The following PTPRF variants were observed in gnomAD, a reference collection of about 807,000 sequenced individuals.
The protein encoded by PTPRF is receptor-type tyrosine-protein phosphatase F.
A neutral mutation model predicts 201.8 loss-of-function variants in PTPRF; 59 were observed. That is an observed-to-expected ratio of 0.29 (90% confidence interval 0.24 to 0.36). PTPRF has a LOEUF of 0.36. Among genes scored for constraint, PTPRF ranks in the 10% least tolerant of loss-of-function variants. The pLI, the probability that PTPRF is intolerant of heterozygous loss-of-function variation, is 1.00. For missense variants in PTPRF, 2,132 were observed against 2,690.5 expected, an observed-to-expected ratio of 0.79 and a Z score of 4.59; for synonymous variants, 1,088 against 1,089.7, an observed-to-expected ratio of 1.00 and a Z score of 0.03.
At chr1:43,528,149 T>C (rs1643196697), upstream of PTPRF, among the ~76,000 whole-genome samples, 1 of 152,196 alleles carries the variant, frequency 6.6e-6, no homozygotes, top group African/African-American at 2.4e-5. Flanking sequence ...CAGGTACAGT[T>C]GGCTCTGAGG....
rs778462451 is a variant in PTPRF, at chr1:43,590,987, C to T, written c.965C>T (p.Pro322Leu). 3 of 1,608,952 alleles carry T rather than the reference C, an allele frequency of 1.9e-6. No individual in the cohort carries two copies. Among genetic ancestry groups the T allele is most frequent in the African/African-American group, 1.3e-5 (1 of 74,930 alleles). The change falls in exon 9 of 34, where the codon CCG becomes CTG. Residue 322 changes from proline to leucine, a missense_variant. Transcript: ENST00000359947. Reference protein sequence around the residue: ...QVTVKALPKPPIDLVVTETTA... With the variant: ...QVTVKALPKPLIDLVVTETTA... ...TTGTCTCCAGCTCTTCCAAAGCCTC[C>T]GATTGATCTTGTGGTGACAGAGACA... is the stretch of plus-strand genomic sequence containing the variant.
rs370475713 is a variant in PTPRF, at chr1:43,620,125, G to C, written c.5142G>C (p.Gly1714=). Residue 1714 remains glycine (G), a synonymous_variant, in exon 30 of 34, where the codon GGG becomes GGC. Transcript: ENST00000359947. ...AGAAGGCCTACATAGCTACACAGGG[G>C]CCTCTGGCAGAGAGCACCGAGGACT... is the stretch of plus-strand genomic sequence containing the variant. ...RQQKAYIATQ[G]PLAESTEDFW... 12 of 1,613,990 alleles carry C rather than the reference G, an allele frequency of 7.4e-6. No individual in the cohort carries two copies. The highest frequency in any genetic ancestry group is 1.7e-5 in the Admixed American group (1 of 59,998).
At chr1:43,587,755 G>A (rs1028057327) in intron 7 of PTPRF, among the ~76,000 whole-genome samples, 1 of 152,186 alleles carries the variant, frequency 6.6e-6, no homozygotes, top group Non-Finnish European at 1.5e-5. Context: ...CTGCTCACCA[G>A]CTGCATGGCC....
chr1:43,619,393 A>C lies in PTPRF; in HGVS notation c.4752A>C (p.Arg1584=). 6.2e-7 allele frequency: 1 copy of C among 1,614,118 alleles called. No individual in the cohort carries two copies. The highest frequency in any genetic ancestry group is 8.5e-7 in the Non-Finnish European group (1 of 1,180,030). ...VDIYGHVTCM[R]SQRNYMVQTE... is the part of the protein sequence containing the mutation. ...TCTATGGCCACGTGACCTGCATGCG[A>C]TCACAGAGGAACTACATGGTGCAGA... is the stretch of plus-strand genomic sequence containing the variant. The change falls in exon 28 of 34, where the codon CGA becomes CGC. Residue 1584 remains arginine, a synonymous_variant. Coordinates refer to ENST00000359947, the MANE Select transcript of PTPRF (RefSeq NM_002840.5).
At chr1:43,547,039 G>T (rs1644724752) in intron 3 of PTPRF, among the ~76,000 whole-genome samples, 1 of 152,096 alleles carries the variant, frequency 6.6e-6, no homozygotes, top group Non-Finnish European at 1.5e-5. Context: ...GTAGAGTCGT[G>T]TCACAAGGTG....
rs1659440853 is a variant in PTPRF, at chr1:43,622,628, T to C, written c.*625T>C. 1 of 152,650 alleles carries C rather than the reference T, an allele frequency of 6.6e-6. No homozygotes were observed. The highest frequency in any genetic ancestry group is 2.1e-4 in the South Asian group (1 of 4,840). The allele number at this position is 152,650 out of a possible 1,614,324, so 9.5% of individuals were successfully genotyped here. On this transcript the variant is annotated 3_prime_UTR_variant, in exon 34 of 34. Transcript: ENST00000359947. ...CCTTCAGACGAGATCCTGTTTCAGC[T>C]AAATGCAGGGAAACTCAATGTTTTT... is the stretch of plus-strand genomic sequence containing the variant.
intron 5 of PTPRF, among the ~76,000 whole-genome samples, chr1:43,562,164 G>A (rs1286323844): frequency 2.0e-5 from 3 of 151,864 alleles, no homozygotes; most frequent in Middle Eastern, 3.4e-3. Context: ...ACTGGAGTGC[G>A]GTGGCACAAT....
chr1:43,534,501 TGAAGGA>T (rs1643886955), intron 1 of PTPRF, among the ~76,000 whole-genome samples: 1 of 151,394 alleles, frequency 6.6e-6, no homozygotes, highest in South Asian at 2.1e-4. Context: ...GATGTGGGAG[TGAAGGA>T]GAGGAAGAGG....
At chr1:43,577,677 T>C (rs1290486420) in intron 6 of PTPRF, among the ~76,000 whole-genome samples, 1 of 152,066 alleles carries the variant, frequency 6.6e-6, no homozygotes, top group Non-Finnish European at 1.5e-5. Flanking sequence ...GTCCATGTCC[T>C]GTGTGGGTGT....
intron 5 of PTPRF, among the ~76,000 whole-genome samples, chr1:43,565,143 T>A (rs1244531562): frequency 2.6e-5 from 4 of 152,154 alleles, no homozygotes; most frequent in Non-Finnish European, 4.4e-5. Context: ...TTCCTGTTCT[T>A]GAATCTCCCT....
intron 6 of PTPRF, chr1:43,575,782 TCAA>T: frequency 1.2e-6 from 1 of 830,454 alleles, no homozygotes; most frequent in Non-Finnish European, 1.8e-6. Context: ...AACTCAGGCC[TCAA>T]TTTCTCCATG....
At chr1:43,572,797 G>A (rs1248124946) in intron 6 of PTPRF, among the ~76,000 whole-genome samples, 4 of 152,152 alleles carry the variant, frequency 2.6e-5, no homozygotes, top group African/African-American at 7.2e-5. Context: ...TCACAGCTGA[G>A]TTAAGGGAGT....
intron 28 of PTPRF, 28 bp from the exon 29 acceptor site, chr1:43,619,652 G>A (rs1486642952): frequency 6.2e-7 from 1 of 1,612,874 alleles, no homozygotes. Flanking sequence ...CAGGAAGCCT[G>A]GCCTGACCAA....
At chr1:43,522,754 G>A (rs1642990567), upstream of PTPRF, among the ~76,000 whole-genome samples, 1 of 152,150 alleles carries the variant, frequency 6.6e-6, no homozygotes, top group Admixed American at 6.6e-5. Context: ...GTATGTTTGA[G>A]GAATTGAAAG....
At position 43,579,503 on chromosome 1, in the gene PTPRF, G is replaced by A. The variant is rs116411062; in HGVS notation, c.679+583G>A. ...CCCCTGTGGTTATGTTGCCTCGGGT[G>A]AGCACCTGGTGTGTTCCAGATGTTC... On this transcript the variant is annotated intron_variant, in intron 7 of 33. Transcript: ENST00000359947. 985 of 334,572 alleles carry A rather than the reference G, an allele frequency of 2.9e-3. 5 individuals carry two copies. Among genetic ancestry groups the A allele is most frequent in the African/African-American group, 0.02 (910 of 46,566 alleles). 20.7% of individuals were successfully genotyped at this position (334,572 alleles called of 1,614,324 possible). A position where few individuals can be genotyped will look rare whatever the true frequency, so the allele number is the denominator to read the frequency against.
intron 7 of PTPRF, among the ~76,000 whole-genome samples, chr1:43,585,849 A>G (rs887370811): frequency 6.6e-6 from 1 of 152,168 alleles, no homozygotes; most frequent in Admixed American, 6.5e-5. Flanking sequence ...CTGGTATCCA[A>G]CGACGTGATT....
intron 6 of PTPRF, among the ~76,000 whole-genome samples, chr1:43,577,803 C>T (rs952497561): frequency 2.0e-5 from 3 of 152,046 alleles, no homozygotes; most frequent in Non-Finnish European, 2.9e-5. Flanking sequence ...ACTGTTGGAC[C>T]GTCCTGTGTG....
At position 43,554,081 on chromosome 1, in the gene PTPRF, G is replaced by A; in HGVS notation, c.379+140G>A. On this transcript the variant is annotated intron_variant, in intron 5 of 33. Coordinates refer to ENST00000359947, the MANE Select transcript of PTPRF (RefSeq NM_002840.5). The surrounding 1 kb of genome is among the most constrained non-coding windows in gnomAD (Gnocchi z 4.1). ...ACCTCGGGGTCAGTGAAAGTCAGTG[G>A]TGGACAGGGATAGTCATTGGATCTG... is the stretch of plus-strand genomic sequence containing the variant. 8.3e-7 allele frequency: 1 copy of A among 1,208,804 alleles called. No homozygotes were observed. The highest frequency in any genetic ancestry group is 1.1e-6 in the Non-Finnish European group (1 of 872,566). 74.9% of individuals were successfully genotyped at this position (1,208,804 alleles called of 1,614,324 possible).
At position 43,618,153 on chromosome 1, in the gene PTPRF, C is replaced by T. The variant is rs554381075; in HGVS notation, c.4371+242C>T. 2.3e-4 allele frequency among the ~76,000 whole-genome samples: 35 copies of T among 152,256 alleles called. No individual in the cohort carries two copies. In the South Asian group the frequency reaches 6.6e-3, roughly 29 times the overall value. The stretch of plus-strand genomic sequence containing the variant: ...ATGTTTCACCAAATGCTGTCATTTT[C>T]GGAGAATGTTAATGTGTTCCCCAGT... On this transcript the variant is annotated intron_variant, in intron 25 of 33. Coordinates refer to ENST00000359947, the MANE Select transcript of PTPRF (RefSeq NM_002840.5).
Sources: allele counts gnomAD v4.1 joint callset (sites outside exome capture counted in the v4.1 genomes callset), GRCh38; gene constraint gnomAD v4.1.1; non-coding constraint Gnocchi (gnomAD v3.1); transcripts MANE v1.5; gene names NCBI Gene and HGNC (gene_info 2026-07-23, HGNC 2026-07-21).